MYO1H: variants seen among roughly 807,000 people sequenced by gnomAD.
The protein encoded by MYO1H is myosin IH.
Under a neutral mutation model 149.3 loss-of-function variants are expected in MYO1H, and 118 were observed. The observed-to-expected ratio is 0.79, with a 90% confidence interval of 0.68 to 0.92. MYO1H has a LOEUF of 0.92. Among genes scored for constraint, MYO1H ranks in the 40% least tolerant of loss-of-function variants. MYO1H has a pLI of 0.00. For synonymous variants in MYO1H, 447 were observed against 465.2 expected, an observed-to-expected ratio of 0.96 and a Z score of 0.50; for missense variants, 1,212 against 1,280.7, an observed-to-expected ratio of 0.95 and a Z score of 0.82.
In MYO1H at chr12:109,434,945, G is replaced by C. The variant is rs969190893; in HGVS notation, c.2064-92G>C. 19 of 692,690 alleles carry C rather than the reference G, an allele frequency of 2.7e-5. No homozygotes were observed. In the East Asian group the frequency reaches 5.0e-4, roughly 18 times the overall value. The allele number at this position is 692,690 out of a possible 1,614,324, so 42.9% of individuals were successfully genotyped here. The stretch of plus-strand genomic sequence containing the variant: ...AAATAAGATGGTATTCTGAGGTTCT[G>C]AGTGGAAATGAATTTTTGAAGGGGG... On this transcript the variant is annotated intron_variant, in intron 20 of 31. Transcript: ENST00000310903.
chr12:109,425,308 T>G (rs1021901688), intron 17 of MYO1H, among the ~76,000 whole-genome samples: 2 of 152,172 alleles, frequency 1.3e-5, no homozygotes, highest in African/African-American at 4.8e-5. Context: ...CACTCCAGAC[T>G]AGGTGACAGA....
At chr12:109,392,936 A>G (rs1214798983) in intron 2 of MYO1H, among the ~76,000 whole-genome samples, 1 of 151,280 alleles carries the variant, frequency 6.6e-6, no homozygotes, top group African/African-American at 2.4e-5. Context: ...CCGCCTCCCG[A>G]GTAACTGGGA....
intron 24 of MYO1H, among the ~76,000 whole-genome samples, chr12:109,440,084 G>A (rs1566043461): frequency 6.6e-6 from 1 of 151,144 alleles, no homozygotes; most frequent in East Asian, 1.9e-4. Flanking sequence ...ACCCAGGCTA[G>A]AGTGCAGTGG....
intron 1 of MYO1H, among the ~76,000 whole-genome samples, chr12:109,373,262 C>T (rs748599350): frequency 9.2e-5 from 14 of 151,974 alleles, no homozygotes; most frequent in Admixed American, 5.2e-4. Flanking sequence ...AGAAAACTTA[C>T]GTCTTTTTCT....
chr12:109,366,461 G>A (rs759144252), intron 1 of MYO1H, among the ~76,000 whole-genome samples: 1 of 152,198 alleles, frequency 6.6e-6, no homozygotes, highest in Non-Finnish European at 1.5e-5. Flanking sequence ...AACCATGTAA[G>A]AATCCTTGAA....
chr12:109,384,309 A>G (rs1014108824), intron 1 of MYO1H, among the ~76,000 whole-genome samples: 2 of 152,194 alleles, frequency 1.3e-5, no homozygotes, highest in Non-Finnish European at 2.9e-5. Context: ...CCACAGTTTT[A>G]TCACCCCAAA....
chr12:109,322,175 G>C, the MYO1H span, among the ~76,000 whole-genome samples: 1 of 152,116 alleles, frequency 6.6e-6, no homozygotes, highest in Non-Finnish European at 1.5e-5. Flanking sequence ...AATTGGATCT[G>C]TCTTCTTTAT....
chr12:109,436,237 A>G (rs1424826296), intron 21 of MYO1H, among the ~76,000 whole-genome samples: 1 of 152,110 alleles, frequency 6.6e-6, no homozygotes, highest in African/African-American at 2.4e-5. Context: ...TTGTAGCACT[A>G]GGTCTGTTCC....
intron 1 of MYO1H, among the ~76,000 whole-genome samples, chr12:109,371,618 T>C (rs1012470925): frequency 4.6e-5 from 7 of 152,192 alleles, no homozygotes; most frequent in African/African-American, 1.4e-4. Context: ...CTGTTTCCTA[T>C]TGATGGATAT....
Position 109,421,105 on chromosome 12 carries a change from C to T in MYO1H, c.1644+78C>T, listed in dbSNP as rs1470231860. ...ATGATAGTGATTTTGGTAGAATTCG[C>T]CTTCTGGATTTTTTTTTTTTCCATG... On this transcript the variant is annotated intron_variant, in intron 16 of 31. Transcript: ENST00000310903. The T allele has an allele frequency of 2.8e-6, 3 of 1,056,010 alleles. No homozygotes were observed. In the Admixed American group the frequency reaches 7.6e-5, roughly 27 times the overall value. 65.4% of individuals were successfully genotyped at this position (1,056,010 alleles called of 1,614,324 possible).
intron 1 of MYO1H, among the ~76,000 whole-genome samples, chr12:109,365,079 T>C (rs1404259629): frequency 2.0e-5 from 3 of 152,200 alleles, no homozygotes; most frequent in Non-Finnish European, 4.4e-5. Flanking sequence ...AAGTCCAGCC[T>C]GGGCAACATA....
chr12:109,382,314 A>G (rs1474386548), intron 1 of MYO1H, among the ~76,000 whole-genome samples: 1 of 152,236 alleles, frequency 6.6e-6, no homozygotes, highest in Non-Finnish European at 1.5e-5. Flanking sequence ...TGACTCCTTA[A>G]GAATGCAATT....
chr12:109,439,808 A>T lies in MYO1H; in HGVS notation c.2454+18A>T. 6.2e-7 allele frequency: 1 copy of T among 1,610,732 alleles called. No homozygotes were observed. The highest frequency in any genetic ancestry group is 8.5e-7 in the Non-Finnish European group (1 of 1,177,410). On this transcript the variant is annotated intron_variant, in intron 24 of 31. Transcript: ENST00000310903. ...TGGAAAATGTAAGGACTAATCTGGG[A>T]TTTCCAGTGTTGTAAGTAGCACGGG...
At chr12:109,364,371 A>T (rs1303691149) in intron 1 of MYO1H, among the ~76,000 whole-genome samples, 1 of 151,906 alleles carries the variant, frequency 6.6e-6, no homozygotes, top group Admixed American at 6.6e-5. Flanking sequence ...TTTTTTGCCC[A>T]GGACTGGGGT....
At chr12:109,414,490 A>AAAG (rs1566034086) in intron 14 of MYO1H, among the ~76,000 whole-genome samples, 4 of 150,538 alleles carry the variant, frequency 2.7e-5, no homozygotes, top group African/African-American at 9.9e-5. Context: ...AAAAAAAAAA[A>AAAG]AAAGAAAGAA....
intron 1 of MYO1H, among the ~76,000 whole-genome samples, chr12:109,386,639 T>G (rs1215894152): frequency 2.0e-5 from 3 of 152,258 alleles, no homozygotes; most frequent in Non-Finnish European, 2.9e-5. Context: ...TTTGTCTATC[T>G]TCCTTTGTGA....
chr12:109,428,584 A>G (rs1448960183), intron 19 of MYO1H, among the ~76,000 whole-genome samples: 2 of 152,204 alleles, frequency 1.3e-5, no homozygotes, highest in Non-Finnish European at 2.9e-5. Flanking sequence ...AGCATAATAA[A>G]TGGTCACTTT....
chr12:109,415,840 T>A (rs1870879092), intron 15 of MYO1H, among the ~76,000 whole-genome samples: 1 of 152,196 alleles, frequency 6.6e-6, no homozygotes, highest in Admixed American at 6.5e-5. Context: ...TACCCCATTT[T>A]AAAATGTACA....
In MYO1H at chr12:109,410,074, C is replaced by T; in HGVS notation, c.1329+6C>T. ...ATGAAATGGAAGGCATAGAGGTAAA[C>T]ATTTTGATGTTTTCTCCTCATCTGA... On this transcript the variant is annotated splice_donor_region_variant and intron_variant, in intron 12 of 31. Coordinates refer to ENST00000310903, the Ensembl canonical transcript of MYO1H. 7.1e-7 allele frequency: 1 copy of T among 1,411,070 alleles called. No homozygotes were observed. Among genetic ancestry groups the T allele is most frequent in the Non-Finnish European group, 9.5e-7 (1 of 1,051,326 alleles). The allele number at this position is 1,411,070 out of a possible 1,614,324, so 87.4% of individuals were successfully genotyped here.
Sources: allele counts gnomAD v4.1 joint callset (sites outside exome capture counted in the v4.1 genomes callset), GRCh38; gene constraint gnomAD v4.1.1; transcripts MANE v1.5; gene names NCBI Gene and HGNC (gene_info 2026-07-23, HGNC 2026-07-21).